Variants in RFTN2 observed in about 807,000 individuals in gnomAD.
RFTN2 encodes the protein raftlin-2.
A neutral mutation model predicts 52.7 loss-of-function variants in RFTN2; 34 were observed. That is an observed-to-expected ratio of 0.64 (90% CI 0.49 to 0.86). The LOEUF is 0.86. RFTN2 is among the 40% of genes least tolerant of loss of function. The pLI, the probability that RFTN2 is intolerant of heterozygous loss-of-function variation, is 0.00. For missense variants in RFTN2, 536 were observed against 600.1 expected, an observed-to-expected ratio of 0.89 and a Z score of 1.12; for synonymous variants, 203 against 217.7, an observed-to-expected ratio of 0.93 and a Z score of 0.59.
intron 1 of RFTN2, among the ~76,000 whole-genome samples, chr2:197,650,152 C>A (rs903220212): frequency 6.6e-6 from 1 of 151,696 alleles, no homozygotes; most frequent in East Asian, 1.9e-4. Flanking sequence ...CAAAAATTTG[C>A]CATTTTAACC....
chr2:197,622,856 A>C (rs2088291039), intron 5 of RFTN2, among the ~76,000 whole-genome samples: 1 of 152,238 alleles, frequency 6.6e-6, no homozygotes, highest in Non-Finnish European at 1.5e-5. Context: ...CATGGAAAAC[A>C]AAGGCTGGAT....
chr2:197,675,387 C>T lies in RFTN2; in HGVS notation c.72G>A (p.Lys24=). The part of the protein sequence containing the change: ...SSPGKIFSTL[K]RPQVETKTEF... The stretch of plus-strand genomic sequence containing the variant: ...CTGTCTTTGTTTCCACTTGCGGTCT[C>T]TTCAGGGTAGAAAATATTTTTCCAG... Residue 24 remains lysine (K), a synonymous_variant, in exon 1 of 9, where the codon AAG becomes AAA. Coordinates refer to ENST00000295049, the MANE Select transcript of RFTN2 (RefSeq NM_144629.3). 6.2e-7 allele frequency: 1 copy of T among 1,606,120 alleles called. No homozygotes were observed.
chr2:197,646,461 C>A, intron 2 of RFTN2, 22 bp downstream of exon 2: 2 of 1,585,292 alleles, frequency 1.3e-6, no homozygotes, highest in Non-Finnish European at 1.7e-6. Context: ...TCACCTGCCT[C>A]TTTCTTGAAT....
chr2:197,646,416 T>G (rs941130374), intron 2 of RFTN2, 67 bp downstream of exon 2: 4 of 1,285,398 alleles, frequency 3.1e-6, no homozygotes, highest in Admixed American at 4.5e-5. Context: ...TTGATTCAAA[T>G]TTTTTTTTCT....
chr2:197,623,477 TTTG>T (rs752705277), intron 5 of RFTN2, among the ~76,000 whole-genome samples: 9 of 152,140 alleles, frequency 5.9e-5, no homozygotes, highest in East Asian at 3.8e-4. Context: ...TTCTTTCTTT[TTTG>T]TTGTTGTTGT....
At chr2:197,590,100 T>C (rs1334177124) in intron 8 of RFTN2, among the ~76,000 whole-genome samples, 1 of 151,336 alleles carries the variant, frequency 6.6e-6, no homozygotes, top group East Asian at 1.9e-4. Flanking sequence ...CAGACAGGGT[T>C]TTGCTGAGCT....
At position 197,581,234 on chromosome 2, in the gene RFTN2, T is replaced by C. The variant is rs146552432; in HGVS notation, c.1234-8954A>G. ...ACCTGTCCCAAAACCGGACAAGTCT[T>C]ATATGTTAGTTCAGGATCTGTGCCT... On this transcript the variant is annotated intron_variant, in intron 8 of 8. Coordinates refer to ENST00000295049, the MANE Select transcript of RFTN2 (RefSeq NM_144629.3). Among the ~76,000 whole-genome samples, 7 of 152,370 alleles carry C rather than the reference T, an allele frequency of 4.6e-5. No homozygotes were observed. In the East Asian group the frequency reaches 9.6e-4, roughly 21 times the overall value.
At chr2:197,587,679 C>T (rs2087624233) in intron 8 of RFTN2, among the ~76,000 whole-genome samples, 1 of 152,200 alleles carries the variant, frequency 6.6e-6, no homozygotes. Context: ...AGCTTTATTG[C>T]TCACACAAAG....
chr2:197,623,927 G>T (rs575141051), intron 5 of RFTN2, among the ~76,000 whole-genome samples: 1 of 152,124 alleles, frequency 6.6e-6, no homozygotes, highest in African/African-American at 2.4e-5. Flanking sequence ...GTCTCCCAAA[G>T]TGCTGGGATT....
intron 5 of RFTN2, among the ~76,000 whole-genome samples, chr2:197,624,703 G>A (rs1266791881): frequency 6.6e-6 from 1 of 151,410 alleles, no homozygotes; most frequent in African/African-American, 2.4e-5. Context: ...AGCTCATGCT[G>A]TAATCCCAGC....
chr2:197,623,639 A>T (rs1290422225), intron 5 of RFTN2, among the ~76,000 whole-genome samples: 3 of 151,878 alleles, frequency 2.0e-5, no homozygotes, highest in African/African-American at 7.3e-5. Context: ...CCACCATGCC[A>T]GGCTAATTTT....
At chr2:197,660,686 G>C (rs892517463) in intron 1 of RFTN2, among the ~76,000 whole-genome samples, 4 of 151,778 alleles carry the variant, frequency 2.6e-5, no homozygotes, top group Non-Finnish European at 5.9e-5. Context: ...CACCCGAGTA[G>C]CTGGGATTAC....
intron 2 of RFTN2, among the ~76,000 whole-genome samples, chr2:197,645,961 G>T (rs2088742156): frequency 6.6e-6 from 1 of 152,290 alleles, no homozygotes; most frequent in South Asian, 2.1e-4. Flanking sequence ...GGGAGGCAGA[G>T]GTTACAGTGA....
intron 1 of RFTN2, among the ~76,000 whole-genome samples, chr2:197,672,329 C>G (rs761323228): frequency 1.3e-5 from 2 of 152,222 alleles, no homozygotes; most frequent in East Asian, 3.9e-4. Context: ...ACACATTTGT[C>G]GAGTTGTAGT....
At chr2:197,590,453 GA>G (rs931563253) in intron 8 of RFTN2, among the ~76,000 whole-genome samples, 1 of 152,058 alleles carries the variant, frequency 6.6e-6, no homozygotes, top group African/African-American at 2.4e-5. Context: ...AACTTCCGAA[GA>G]AAAAAATCCA....
intron 7 of RFTN2, among the ~76,000 whole-genome samples, chr2:197,606,548 C>G (rs1402204838): frequency 6.6e-6 from 1 of 151,900 alleles, no homozygotes; most frequent in Non-Finnish European, 1.5e-5. Flanking sequence ...AGGCAACCTA[C>G]AAAATGGGAG....
At chr2:197,647,863 G>A (rs2088775154) in intron 1 of RFTN2, among the ~76,000 whole-genome samples, 1 of 152,166 alleles carries the variant, frequency 6.6e-6, no homozygotes, top group South Asian at 2.1e-4. Context: ...AGACTTTAGA[G>A]TAGTAAAAGG....
intron 5 of RFTN2, among the ~76,000 whole-genome samples, chr2:197,618,511 G>T (rs1194542205): frequency 6.7e-6 from 1 of 148,700 alleles, no homozygotes; most frequent in Non-Finnish European, 1.5e-5. Flanking sequence ...CCGCCACCCC[G>T]TCTGGGAAGT....
At chr2:197,581,837 C>A (rs940927405) in intron 8 of RFTN2, among the ~76,000 whole-genome samples, 3 of 152,180 alleles carry the variant, frequency 2.0e-5, no homozygotes, top group African/African-American at 7.2e-5. Flanking sequence ...CCTTTGGATA[C>A]CTGGTTTTGC....
Sources: gnomAD v4.1 joint callset for allele counts (sites outside exome capture counted in the v4.1 genomes callset) on GRCh38, gnomAD v4.1.1 for gene constraint, MANE v1.5 for transcripts, NCBI Gene and HGNC (gene_info 2026-07-23, HGNC 2026-07-21) for gene names.